The following NRG3 variants were observed in gnomAD, a reference collection of about 807,000 sequenced individuals.
NRG3 encodes neuregulin 3.
NRG3 carries 31 observed loss-of-function variants against 66.9 expected under a neutral mutation model. The observed-to-expected ratio is 0.46, with a 90% CI of 0.35 to 0.63. NRG3 has a LOEUF of 0.63. Ranked by LOEUF, NRG3 falls within the 20% of genes least tolerant of loss-of-function variation. The probability of loss-of-function intolerance (pLI) is 0.00; values close to 1 mark genes in which losing one functional copy is unlikely to be tolerated. For missense variants in NRG3, 910 were observed against 878.9 expected (o/e 1.04, Z -0.45); for synonymous variants, 393 against 359.4 (o/e 1.09, Z -1.06).
chr10:82,553,757 A>G (rs1183233025), intron 2 of NRG3, among the ~76,000 whole-genome samples: 1 of 152,146 alleles, frequency 6.6e-6, no homozygotes, highest in Non-Finnish European at 1.5e-5. Context: ...CTTGTTAGAT[A>G]CTTGAACTAA....
In NRG3 at chr10:82,674,275, T is replaced by C. The variant is rs141546325; in HGVS notation, c.954-64302T>C. Among the ~76,000 whole-genome samples, 458 of 152,300 alleles carry C rather than the reference T, an allele frequency of 3.0e-3. 6 individuals are homozygous for C. The highest frequency in any genetic ancestry group is 0.01 in the African/African-American group (431 of 41,566). ...TCTAGTTGACATTCTTGCCTATTAA[T>C]CTCTTCCTGCATGTTACTACATAAA... On this transcript the variant is annotated intron_variant, in intron 2 of 8. Transcript: ENST00000372141.
chr10:82,588,718 G>A (rs746576869), intron 2 of NRG3, among the ~76,000 whole-genome samples: 1 of 152,054 alleles, frequency 6.6e-6, no homozygotes, highest in African/African-American at 2.4e-5. Context: ...AGCCAGGATG[G>A]TCTTGATCTC....
intron 1 of NRG3, among the ~76,000 whole-genome samples, chr10:81,991,393 T>G (rs941603410): frequency 6.6e-6 from 1 of 152,174 alleles, no homozygotes; most frequent in African/African-American, 2.4e-5. Flanking sequence ...GCCTCAGCAC[T>G]CATGCTCAAA....
At chr10:82,201,512 CT>C (rs1448801979) in intron 1 of NRG3, among the ~76,000 whole-genome samples, 1 of 152,146 alleles carries the variant, frequency 6.6e-6, no homozygotes, top group Non-Finnish European at 1.5e-5. Flanking sequence ...GTGAAATCTA[CT>C]ACAGGAGACC....
chr10:82,692,860 G>GA (rs34134982), intron 2 of NRG3, among the ~76,000 whole-genome samples: 86,386 of 151,984 alleles, frequency 0.57, 27,096 homozygotes, highest in Non-Finnish European at 0.68. Context: ...GAACTGAGGG[G>GA]AAAAATATAT....
chr10:82,741,565 A>G (rs142623934), intron 3 of NRG3, among the ~76,000 whole-genome samples: 1 of 152,308 alleles, frequency 6.6e-6, no homozygotes, highest in African/African-American at 2.4e-5. Flanking sequence ...CACTGTGCCA[A>G]AGGCTTTACA....
chr10:82,175,451 A>C (rs2072956894), intron 1 of NRG3, among the ~76,000 whole-genome samples: 1 of 152,084 alleles, frequency 6.6e-6, no homozygotes. Context: ...TTGCATCCAG[A>C]CTATACTTTC....
chr10:82,162,009 A>C (rs1269302274), intron 1 of NRG3, among the ~76,000 whole-genome samples: 1 of 152,138 alleles, frequency 6.6e-6, no homozygotes, highest in Non-Finnish European at 1.5e-5. Flanking sequence ...CCAAACCCTC[A>C]AATGACTTGC....
intron 3 of NRG3, among the ~76,000 whole-genome samples, chr10:82,821,503 GAAA>G (rs10550982): frequency 5.9e-5 from 8 of 134,628 alleles, no homozygotes; most frequent in African/African-American, 8.0e-5. Flanking sequence ...ACACTTAACT[GAAA>G]AAAAAAAAAA....
intron 2 of NRG3, among the ~76,000 whole-genome samples, chr10:82,593,435 T>A (rs1349947548): frequency 6.6e-6 from 1 of 152,226 alleles, no homozygotes; most frequent in Non-Finnish European, 1.5e-5. Flanking sequence ...TTATAGGAGC[T>A]ACCTTTATTT....
intron 1 of NRG3, among the ~76,000 whole-genome samples, chr10:82,329,233 A>G (rs2082021080): frequency 6.6e-6 from 1 of 152,218 alleles, no homozygotes; most frequent in Non-Finnish European, 1.5e-5. Flanking sequence ...ACTTTTTAAA[A>G]AAGAATTATT....
intron 1 of NRG3, among the ~76,000 whole-genome samples, chr10:82,273,505 A>C (rs1379595402): frequency 6.6e-6 from 1 of 152,112 alleles, no homozygotes. Flanking sequence ...GATTGAATTT[A>C]ATTATAACCC....
intron 3 of NRG3, among the ~76,000 whole-genome samples, chr10:82,817,485 G>A (rs953548533): frequency 4.6e-5 from 7 of 152,076 alleles, no homozygotes; most frequent in African/African-American, 1.7e-4. Context: ...GTGCTTGTTG[G>A]TTCTTTTTCT....
chr10:82,648,370 G>A (rs1250321735), intron 2 of NRG3, among the ~76,000 whole-genome samples: 4 of 151,956 alleles, frequency 2.6e-5, no homozygotes, highest in Non-Finnish European at 5.9e-5. Flanking sequence ...CTATATCTCT[G>A]TTTTGGTACC....
chr10:82,764,249 G>T (rs1406185983), intron 3 of NRG3, among the ~76,000 whole-genome samples: 2 of 152,022 alleles, frequency 1.3e-5, no homozygotes, highest in East Asian at 2.0e-4. Context: ...TGACCAGGCT[G>T]GTCTCGAACT....
chr10:82,266,099 G>T (rs907949409), intron 1 of NRG3, among the ~76,000 whole-genome samples: 1 of 152,152 alleles, frequency 6.6e-6, no homozygotes, highest in African/African-American at 2.4e-5. Flanking sequence ...AGATGTAGGA[G>T]CTTGAGTCCC....
intron 1 of NRG3, among the ~76,000 whole-genome samples, chr10:81,939,683 G>T (rs1848232522): frequency 7.1e-6 from 1 of 140,624 alleles, no homozygotes; most frequent in African/African-American, 2.8e-5. Context: ...CTAAGGGTGT[G>T]TCACTTTTGT....
At chr10:82,549,762 C>A (rs761136738) in intron 2 of NRG3, among the ~76,000 whole-genome samples, 10 of 152,112 alleles carry the variant, frequency 6.6e-5, no homozygotes, top group Non-Finnish European at 1.5e-4. Context: ...CTGTCTGAGG[C>A]ATATTTATAA....
intron 6 of NRG3, among the ~76,000 whole-genome samples, chr10:82,968,374 A>G (rs1851396715): frequency 6.6e-6 from 1 of 152,248 alleles, no homozygotes; most frequent in South Asian, 2.1e-4. Flanking sequence ...AAGTTCTAAA[A>G]TAATAAATTC....
Sources: allele counts gnomAD v4.1 joint callset (sites outside exome capture counted in the v4.1 genomes callset), GRCh38; gene constraint gnomAD v4.1.1; transcripts MANE v1.5; gene names NCBI Gene and HGNC (gene_info 2026-07-23, HGNC 2026-07-21).